Variants in GALNT13 observed in about 807,000 individuals in gnomAD.
GALNT13 encodes UDP-GalNAc:polypeptide N-acetylgalactosaminyltransferase 13.
Under a neutral mutation model 64.2 loss-of-function variants are expected in GALNT13, and 28 were observed. That is an observed-to-expected ratio of 0.44 (90% CI 0.32 to 0.60). The LOEUF is 0.60. GALNT13 is among the 20% of genes least tolerant of loss of function. The probability of loss-of-function intolerance (pLI) is 0.05; values close to 1 mark genes in which losing one functional copy is unlikely to be tolerated. For synonymous variants in GALNT13, 214 were observed against 224.6 expected (o/e 0.95, Z 0.42); for missense variants, 577 against 669.8 (o/e 0.86, Z 1.53).
intron 4 of GALNT13, among the ~76,000 whole-genome samples, chr2:154,188,449 C>A (rs1686384366): frequency 6.6e-6 from 1 of 152,092 alleles, no homozygotes; most frequent in Non-Finnish European, 1.5e-5. Context: ...TAAGATGTAT[C>A]CATGCTGAAT....
At chr2:154,150,319 A>T (rs1683911019) in intron 4 of GALNT13, among the ~76,000 whole-genome samples, 1 of 152,062 alleles carries the variant, frequency 6.6e-6, no homozygotes, top group Admixed American at 6.6e-5. Context: ...GTGCTGCTGG[A>T]TTCGGTTTGC....
intron 9 of GALNT13, among the ~76,000 whole-genome samples, chr2:154,386,398 G>A (rs1375496014): frequency 1.3e-5 from 2 of 152,048 alleles, no homozygotes; most frequent in Non-Finnish European, 2.9e-5. Flanking sequence ...TTGTCCATAT[G>A]TGGTGATCTG....
the GALNT13 span, among the ~76,000 whole-genome samples, chr2:153,118,090 A>G: frequency 3.0e-5 from 4 of 135,328 alleles, no homozygotes; most frequent in East Asian, 2.2e-4. Context: ...AAACAAATCT[A>G]TAATGTCACT....
At chr2:153,204,455 A>G in the GALNT13 span, among the ~76,000 whole-genome samples, 1 of 152,168 alleles carries the variant, frequency 6.6e-6, no homozygotes, top group African/African-American at 2.4e-5. Flanking sequence ...TTATCCAAAC[A>G]GCTTTTTTAG....
chr2:154,054,405 G>T (rs1699797949), intron 3 of GALNT13, among the ~76,000 whole-genome samples: 1 of 152,006 alleles, frequency 6.6e-6, no homozygotes, highest in African/African-American at 2.4e-5. Flanking sequence ...AGATGAGGAA[G>T]AAAGATAAAA....
chr2:153,160,292 T>A, the GALNT13 span, among the ~76,000 whole-genome samples: 25 of 152,334 alleles, frequency 1.6e-4, no homozygotes, highest in African/African-American at 6.0e-4. Flanking sequence ...GATACAGTGA[T>A]GAACAAGATC....
chr2:154,167,830 A>G (rs929309384), intron 4 of GALNT13, among the ~76,000 whole-genome samples: 1 of 152,328 alleles, frequency 6.6e-6, no homozygotes, highest in South Asian at 2.1e-4. Flanking sequence ...GGTACCAACA[A>G]TCCTATGGAT....
At chr2:153,254,156 G>T in the GALNT13 span, among the ~76,000 whole-genome samples, 5 of 152,212 alleles carry the variant, frequency 3.3e-5, no homozygotes, top group East Asian at 7.7e-4. Flanking sequence ...TCCTGTTATT[G>T]GTCTATTCAG....
the GALNT13 span, among the ~76,000 whole-genome samples, chr2:153,349,698 A>G: frequency 1.3e-5 from 2 of 152,216 alleles, no homozygotes; most frequent in African/African-American, 4.8e-5. Context: ...AGGAAAAGGA[A>G]GTTTTACCTG....
At chr2:153,894,487 A>T (rs1482902917) in intron 1 of GALNT13, among the ~76,000 whole-genome samples, 2 of 152,010 alleles carry the variant, frequency 1.3e-5, no homozygotes, top group Non-Finnish European at 2.9e-5. Flanking sequence ...ATATCATGAG[A>T]TCATTATGAA....
the GALNT13 span, among the ~76,000 whole-genome samples, chr2:153,147,268 G>T: frequency 1.3e-5 from 2 of 151,844 alleles, no homozygotes; most frequent in South Asian, 2.1e-4. Flanking sequence ...TGACAAGTGC[G>T]GTGAGAATGT....
chr2:153,092,477 G>T, the GALNT13 span, among the ~76,000 whole-genome samples: 1 of 152,150 alleles, frequency 6.6e-6, no homozygotes, highest in East Asian at 1.9e-4. Context: ...CAAGAATGTG[G>T]AATATTTTTC....
chr2:153,698,432 G>T, the GALNT13 span, among the ~76,000 whole-genome samples: 1 of 151,988 alleles, frequency 6.6e-6, no homozygotes, highest in African/African-American at 2.4e-5. Flanking sequence ...GAAAAAAAAG[G>T]CGTCACAATC....
At chr2:153,333,609 T>C in the GALNT13 span, among the ~76,000 whole-genome samples, 1 of 152,194 alleles carries the variant, frequency 6.6e-6, no homozygotes, top group Non-Finnish European at 1.5e-5. Flanking sequence ...TTTAAACTCA[T>C]GATCTGTGCC....
chr2:153,766,684 C>T, the GALNT13 span, among the ~76,000 whole-genome samples: 1 of 152,000 alleles, frequency 6.6e-6, no homozygotes, highest in Non-Finnish European at 1.5e-5. Context: ...TATTCTTTAT[C>T]TCTAGGATTT....
intron 1 of GALNT13, among the ~76,000 whole-genome samples, chr2:153,893,728 T>G (rs2105274075): frequency 6.6e-6 from 1 of 152,236 alleles, no homozygotes; most frequent in East Asian, 1.9e-4. Context: ...CATTTCATCA[T>G]ATGGACAAGC....
chr2:153,601,841 A>G, the GALNT13 span, among the ~76,000 whole-genome samples: 1 of 151,898 alleles, frequency 6.6e-6, no homozygotes, highest in Non-Finnish European at 1.5e-5. Context: ...CAAAGATAAT[A>G]TATACACCAA....
chr2:154,180,274 T>C (rs565779080), intron 4 of GALNT13, among the ~76,000 whole-genome samples: 1 of 152,276 alleles, frequency 6.6e-6, no homozygotes, highest in South Asian at 2.1e-4. Context: ...AAATTGTTTT[T>C]TGAGCATTAA....
the GALNT13 span, among the ~76,000 whole-genome samples, chr2:153,728,472 A>G: frequency 6.6e-6 from 1 of 152,238 alleles, no homozygotes; most frequent in Admixed American, 6.5e-5. Flanking sequence ...ATGTATCAGA[A>G]TCTCTGGAAC....
Sources: allele counts gnomAD v4.1 joint callset (sites outside exome capture counted in the v4.1 genomes callset), GRCh38; gene constraint gnomAD v4.1.1; transcripts MANE v1.5; gene names NCBI Gene and HGNC (gene_info 2026-07-23, HGNC 2026-07-21).